The following MCM8 variants were observed in gnomAD, a reference collection of about 807,000 sequenced individuals.
MCM8 encodes DNA helicase MCM8.
Under a neutral mutation model 98.9 loss-of-function variants are expected in MCM8, and 85 were observed. That is an observed-to-expected ratio of 0.86 (90% CI 0.72 to 1.03). The LOEUF (loss-of-function observed/expected upper bound fraction) is 1.03. Among genes scored for constraint, MCM8 ranks in the 50% least tolerant of loss-of-function variants. The probability of loss-of-function intolerance (pLI) is 0.00; values close to 1 mark genes in which losing one functional copy is unlikely to be tolerated. For missense variants in MCM8, 951 were observed against 997.8 expected, an observed-to-expected ratio of 0.95 and a Z score of 0.63; for synonymous variants, 352 against 338.6, an observed-to-expected ratio of 1.04 and a Z score of -0.44.
At chr20:5,954,833 T>C in intron 4 of MCM8, 143 bp downstream of exon 4, 2 of 607,752 alleles carry the variant, frequency 3.3e-6, no homozygotes, top group Non-Finnish European at 5.8e-6. Context: ...AGTATGGACT[T>C]TGATTAATTA....
rs2089937261 is a variant in MCM8 at position 5,995,038 on chromosome 20, A to T, written c.*647A>T. ...TTTTGACCTGCCTTTTATATGTATG[A>T]ATATTTCATAGTTTTGCATATCAGA... On this transcript the variant is annotated 3_prime_UTR_variant, in exon 19 of 19. Transcript: ENST00000610722. 1 of 166,392 alleles carries T rather than the reference A, an allele frequency of 6.0e-6. No homozygotes were observed. Among genetic ancestry groups the T allele is most frequent in the Non-Finnish European group, 1.3e-5 (1 of 75,826 alleles). 10.3% of individuals were successfully genotyped at this position (166,392 alleles called of 1,614,324 possible). A position where few individuals can be genotyped will look rare whatever the true frequency, so the allele number is the denominator to read the frequency against.
At chr20:5,959,035 G>A (rs2089064434) in intron 7 of MCM8, among the ~76,000 whole-genome samples, 1 of 152,112 alleles carries the variant, frequency 6.6e-6, no homozygotes, top group Admixed American at 6.5e-5. Flanking sequence ...TTATCCTGAA[G>A]TTATTATAAT....
intron 10 of MCM8, among the ~76,000 whole-genome samples, chr20:5,969,013 G>C (rs1292998759): frequency 1.3e-5 from 2 of 152,072 alleles, no homozygotes. Flanking sequence ...TCCTGCTTTG[G>C]GCATTTACTT....
intron 18 of MCM8, chr20:5,993,944 A>G (rs1568603653): frequency 2.7e-6 from 1 of 375,904 alleles, no homozygotes; most frequent in East Asian, 4.2e-5. Flanking sequence ...GGACATGATT[A>G]TACCAATTCC....
chr20:5,977,842 T>G, intron 12 of MCM8, 34 bp from the exon 13 acceptor site: 1 of 1,608,558 alleles, frequency 6.2e-7, no homozygotes, highest in Non-Finnish European at 8.5e-7. Flanking sequence ...CCCTTTTACT[T>G]TGGATGATTC....
intron 15 of MCM8, 152 bp from the exon 16 acceptor site, chr20:5,985,770 T>C: frequency 2.9e-6 from 2 of 685,984 alleles, no homozygotes; most frequent in South Asian, 1.9e-5. Context: ...AGTCTTGAAC[T>C]CCTGACCTCA....
chr20:5,958,635 C>T lies in MCM8; in HGVS notation c.698C>T (p.Pro233Leu). 6.2e-7 allele frequency: 1 copy of T among 1,614,092 alleles called. No individual in the cohort carries two copies. Among genetic ancestry groups the T allele is most frequent in the Non-Finnish European group, 8.5e-7 (1 of 1,179,990 alleles). Residue 233 changes from proline to leucine, a missense_variant, in exon 7 of 19, where the codon CCT (proline) becomes CTT (leucine). Coordinates refer to ENST00000610722, the MANE Select transcript of MCM8 (RefSeq NM_032485.6). ...GTVVRVSNIK[P>L]LCTKMAFLCA... is the part of the protein sequence containing the mutation. ...GTGGTTCGTGTCAGTAATATAAAGCCTCTTTGCACCAAGATGGCTTTTCTT... is the reference window on the plus strand; with the variant it reads ...GTGGTTCGTGTCAGTAATATAAAGCTTCTTTGCACCAAGATGGCTTTTCTT...
At chr20:5,975,430 T>C (rs1021516246) in intron 12 of MCM8, among the ~76,000 whole-genome samples, 1 of 151,972 alleles carries the variant, frequency 6.6e-6, no homozygotes, top group Admixed American at 6.5e-5. Flanking sequence ...CCCTAGAGTG[T>C]CTTATCTGTA....
intron 7 of MCM8, among the ~76,000 whole-genome samples, chr20:5,961,932 A>C (rs2089153431): frequency 6.6e-6 from 1 of 152,210 alleles, no homozygotes; most frequent in Non-Finnish European, 1.5e-5. Flanking sequence ...ACATCACTCC[A>C]AAACTCAGTG....
At position 5,972,005 on chromosome 20, in the gene MCM8, A is replaced by G. The variant is rs757936231; in HGVS notation, c.1224-2A>G. On this transcript the variant is annotated splice_acceptor_variant, in intron 10 of 18. Coordinates refer to ENST00000610722, the MANE Select transcript of MCM8 (RefSeq NM_032485.6). LOFTEE classifies it high-confidence loss of function. ...ATTTATAAGTTGTGTTCTGTTTTTC[A>G]GCTCGCTTTGCCCTGTCATTTTTGG... 2 of 1,611,238 alleles carry G rather than the reference A, an allele frequency of 1.2e-6. No homozygotes were observed. Among genetic ancestry groups the G allele is most frequent in the East Asian group, 2.2e-5 (1 of 44,706 alleles).
intron 12 of MCM8, among the ~76,000 whole-genome samples, chr20:5,975,834 G>T (rs2089500439): frequency 6.6e-6 from 1 of 150,644 alleles, no homozygotes; most frequent in South Asian, 2.1e-4. Flanking sequence ...GCAGATAGTT[G>T]TTCTAAAATG....
intron 11 of MCM8, chr20:5,972,606 G>C (rs1326020103): frequency 1.1e-5 from 5 of 457,946 alleles, no homozygotes; most frequent in Admixed American, 7.4e-5. Context: ...CCAGGCTAGA[G>C]TACAGTGGTG....
intron 18 of MCM8, 149 bp from the exon 19 acceptor site, chr20:5,994,150 A>T (rs2089909457): frequency 2.1e-6 from 1 of 470,442 alleles, no homozygotes; most frequent in African/African-American, 2.0e-5. Flanking sequence ...CAGAACTCAA[A>T]TATAGGCAGT....
chr20:5,984,926 C>G lies in MCM8; in HGVS notation c.1879C>G (p.Arg627Gly). The change falls in exon 15 of 19, where the codon CGT (arginine) becomes GGT (glycine). Residue 627 changes from arginine to glycine, a missense_variant. Physicochemically the swap from Arg to Gly is moderately radical, Grantham distance 125 (BLOSUM62 -2). Transcript: ENST00000610722. ...QRTISSATVA[R>G]MNSQDSNTSV... ...AACCATTAGCAGTGCCACAGTAGCT[C>G]GTATGAATAGTCAAGATTCAAATAC... The G allele has an allele frequency of 1.2e-6, 2 of 1,613,970 alleles. No homozygotes were observed. The highest frequency in any genetic ancestry group is 1.3e-5 in the African/African-American group (1 of 75,008).
intron 13 of MCM8, among the ~76,000 whole-genome samples, chr20:5,981,990 G>A (rs2089638855): frequency 6.6e-6 from 1 of 152,066 alleles, no homozygotes; most frequent in Non-Finnish European, 1.5e-5. Context: ...TACAATTAGA[G>A]GGGAAGTAAC....
intron 7 of MCM8, among the ~76,000 whole-genome samples, chr20:5,960,424 G>A (rs796701831): frequency 3.0e-4 from 46 of 152,202 alleles, no homozygotes; most frequent in African/African-American, 1.1e-3. Context: ...GGGACTACAG[G>A]TGCCAGCCAC....
At chr20:5,983,890 A>T (rs1282212089) in intron 14 of MCM8, among the ~76,000 whole-genome samples, 2 of 152,192 alleles carry the variant, frequency 1.3e-5, no homozygotes, top group Non-Finnish European at 2.9e-5. Flanking sequence ...TTGCAGCATT[A>T]TTGCTGCCAA....
intron 1 of MCM8, among the ~76,000 whole-genome samples, chr20:5,951,735 C>T (rs998124275): frequency 1.1e-4 from 16 of 151,878 alleles, no homozygotes; most frequent in Non-Finnish European, 7.4e-5. Flanking sequence ...TAAACAGGTA[C>T]AGTACCTGTC....
In MCM8 at chr20:5,958,734, G is replaced by C. The variant is rs1013012684; in HGVS notation, c.789+8G>C. 3 of 1,610,028 alleles carry C rather than the reference G, an allele frequency of 1.9e-6. No individual in the cohort carries two copies. The African/African-American group carries it at 4.0e-5, about 22-fold the overall frequency. ...TACAGTCTTCCCACAAAGGTAATACGTTCTTTAACTGCTTCTTTATTTATC... is the reference window on the plus strand; with the variant it reads ...TACAGTCTTCCCACAAAGGTAATACCTTCTTTAACTGCTTCTTTATTTATC... On this transcript the variant is annotated splice_region_variant and intron_variant, in intron 7 of 18. Coordinates refer to ENST00000610722, the MANE Select transcript of MCM8 (RefSeq NM_032485.6).
Sources: gnomAD v4.1 joint callset for allele counts (sites outside exome capture counted in the v4.1 genomes callset) on GRCh38, gnomAD v4.1.1 for gene constraint, MANE v1.5 for transcripts, NCBI Gene and HGNC (gene_info 2026-07-23, HGNC 2026-07-21) for gene names.